Variants in TMEM201 observed in about 807,000 individuals in gnomAD.
TMEM201 encodes the protein RP13-15M17.2.
TMEM201 carries 26 observed loss-of-function variants against 63.4 expected under a neutral mutation model. That is an observed-to-expected ratio of 0.41 (90% CI 0.30 to 0.57). TMEM201 has a LOEUF of 0.57. TMEM201 is among the 20% of genes least tolerant of loss of function. TMEM201 has a pLI of 0.29. For synonymous variants in TMEM201, 417 were observed against 421.6 expected (o/e 0.99, Z 0.14); for missense variants, 794 against 917.7 (o/e 0.87, Z 1.74).
intron 9 of TMEM201, 121 bp from the exon 10 acceptor site, chr1:9,611,632 C>G (rs542655187): frequency 1.5e-6 from 2 of 1,338,846 alleles, no homozygotes; most frequent in South Asian, 2.6e-5. Context: ...GGATGAGTGG[C>G]TTGGGACAGC....
rs924221460 is a variant in TMEM201 at position 9,613,078 on chromosome 1, C to T, written c.1996C>T (p.Arg666Cys). ...FTSVFLYQSL[R>C] Reference sequence around the variant, plus strand: ...CTCGGTGTTTCTGTACCAGAGCCTGCGCTGACCCACCGTTGGAGCCCCTCG... The same window carrying T: ...CTCGGTGTTTCTGTACCAGAGCCTGTGCTGACCCACCGTTGGAGCCCCTCG... Residue 666 changes from arginine to cysteine, a missense_variant, in exon 11 of 11, where the codon CGC (arginine) becomes TGC (cysteine). By Grantham distance (180) the Arg-to-Cys change is radical. Transcript: ENST00000340381. 34 of 1,550,504 alleles carry T rather than the reference C, an allele frequency of 2.2e-5. No homozygotes were observed. The highest frequency in any genetic ancestry group is 1.5e-4 in the East Asian group (6 of 40,930).
rs1401418852 is a variant in TMEM201, at chr1:9,607,851, G to T, written c.1393+62G>T. On this transcript the variant is annotated intron_variant, in intron 7 of 10. Coordinates refer to ENST00000340381, the MANE Select transcript of TMEM201 (RefSeq NM_001130924.3). The surrounding 1 kb of genome is among the most constrained non-coding windows in gnomAD (Gnocchi z 5.4). ...TAGGGGCAGCTGGGACAGAACTGTG[G>T]ATGGGTACATAGTGTAGGGAGGGCC... 22 of 1,458,438 alleles carry T rather than the reference G, an allele frequency of 1.5e-5. No individual in the cohort carries two copies. The highest frequency in any genetic ancestry group is 2.0e-5 in the Non-Finnish European group (21 of 1,071,822). The allele number at this position is 1,458,438 out of a possible 1,614,324, so 90.3% of individuals were successfully genotyped here. A position where few individuals can be genotyped will look rare whatever the true frequency, so the allele number is the denominator to read the frequency against.
At chr1:9,599,594 A>T (rs1319140569) in intron 4 of TMEM201, among the ~76,000 whole-genome samples, 1 of 151,546 alleles carries the variant, frequency 6.6e-6, no homozygotes. Context: ...AGTTCTCACC[A>T]AAAATTCCTA....
chr1:9,603,900 GTGAGAAAACCC>G lies in TMEM201; in HGVS notation c.1160+1629_1160+1639del, dbSNP rs1272308731. 2 of 985,352 alleles carry G rather than the reference GTGAGAAAACCC, an allele frequency of 2.0e-6. No individual in the cohort carries two copies. Among genetic ancestry groups the G allele is most frequent in the Non-Finnish European group, 2.4e-6 (2 of 829,948 alleles). 61.0% of individuals were successfully genotyped at this position (985,352 alleles called of 1,614,324 possible). ...CTTGTTGTTCTGTGTGGAGCGTGAG[GTGAGAAAACCC>G]CTCTGAAAAGATGTGGTCGGGGCCA... On this transcript the variant is annotated intron_variant, in intron 6 of 10. Transcript: ENST00000340381. The surrounding 1 kb of genome is among the most constrained non-coding windows in gnomAD (Gnocchi z 4.5).
intron 10 of TMEM201, 55 bp downstream of exon 10, chr1:9,611,945 A>G: frequency 1.3e-6 from 2 of 1,486,908 alleles, no homozygotes; most frequent in South Asian, 1.4e-5. Context: ...CGAAGCCACC[A>G]TCTCCCCCAG....
In TMEM201 at chr1:9,610,701, C is replaced by G. The variant is rs1456021784; in HGVS notation, c.1661C>G (p.Pro554Arg). Reference protein sequence around the residue: ...PSPPGEAPTTPSSSDEHSPHN... With the variant: ...PSPPGEAPTTRSSSDEHSPHN... ...CCCCCTGGAGAGGCCCCCACCACGC[C>G]CAGCAGCTCCGATGAGCACTCGCCT... Residue 554 changes from proline to arginine, a missense_variant, in exon 9 of 11, where the codon CCC becomes CGC. By Grantham distance (103) the Pro-to-Arg change is moderately radical (BLOSUM62 -2). Coordinates refer to ENST00000340381, the MANE Select transcript of TMEM201 (RefSeq NM_001130924.3). This position sits in a 1 kb window ranked among gnomAD's most constrained non-coding sequence, Gnocchi z 4.9. The G allele has an allele frequency of 3.2e-6, 5 of 1,550,436 alleles. No individual in the cohort carries two copies. The highest frequency in any genetic ancestry group is 4.4e-6 in the Non-Finnish European group (5 of 1,146,918).
chr1:9,593,767 T>G (rs769178504), intron 1 of TMEM201, among the ~76,000 whole-genome samples: 1 of 152,188 alleles, frequency 6.6e-6, no homozygotes, highest in Non-Finnish European at 1.5e-5. Context: ...CTGAGGGGCC[T>G]TCCGTGGGGA....
At position 9,602,151 on chromosome 1, in the gene TMEM201, G is replaced by A. The variant is rs941371667; in HGVS notation, c.1039G>A (p.Ala347Thr). The change falls in exon 6 of 11, where the codon GCC becomes ACC. Residue 347 changes from alanine to threonine, a missense_variant. Ala to Thr is a moderately conservative substitution (Grantham distance 58, BLOSUM62 0). Transcript: ENST00000340381. ...LHLAEQHLQAASPSWLDTLKF... is the reference protein window; with the variant it reads ...LHLAEQHLQATSPSWLDTLKF... Reference sequence around the variant, plus strand: ...CCTGGCTGAGCAGCACCTGCAGGCCGCCTCGCCTAGCTGGCTAGACACGCT... The same window carrying A: ...CCTGGCTGAGCAGCACCTGCAGGCCACCTCGCCTAGCTGGCTAGACACGCT... 1.2e-5 allele frequency: 19 copies of A among 1,613,040 alleles called. No homozygotes were observed. The highest frequency in any genetic ancestry group is 5.5e-5 in the South Asian group (5 of 91,094).
rs1644303432 is a variant in TMEM201 at position 9,610,280 on chromosome 1, C to T, written c.1466-226C>T. 6.6e-6 allele frequency among the ~76,000 whole-genome samples: 1 copy of T among 152,134 alleles called. No individual in the cohort carries two copies. The highest frequency in any genetic ancestry group is 2.4e-5 in the African/African-American group (1 of 41,432). Reference sequence around the variant, plus strand: ...CAGGGCTTTGGATGGAAATCAAGGGCAGAAGGCCATGGCTGAGGCTCCGGG... The same window carrying T: ...CAGGGCTTTGGATGGAAATCAAGGGTAGAAGGCCATGGCTGAGGCTCCGGG... On this transcript the variant is annotated intron_variant, in intron 8 of 10. Coordinates refer to ENST00000340381, the MANE Select transcript of TMEM201 (RefSeq NM_001130924.3). The surrounding 1 kb of genome is among the most constrained non-coding windows in gnomAD (Gnocchi z 4.9).
intron 1 of TMEM201, among the ~76,000 whole-genome samples, chr1:9,595,268 C>T (rs374718761): frequency 1.3e-5 from 2 of 152,190 alleles, no homozygotes; most frequent in South Asian, 2.1e-4. Context: ...GTGTAGCCAG[C>T]GAGGGCCACT....
At chr1:9,609,565 C>T (rs1186560135) in intron 7 of TMEM201, among the ~76,000 whole-genome samples, 6 of 152,160 alleles carry the variant, frequency 3.9e-5, no homozygotes, top group African/African-American at 1.4e-4. Flanking sequence ...TTCCTGACCT[C>T]GTGATCTGAT....
At position 9,602,230 on chromosome 1, in the gene TMEM201, C is replaced by T; in HGVS notation, c.1118C>T (p.Ala373Val). The change falls in exon 6 of 11, where the codon GCC becomes GTC. Residue 373 changes from alanine (A) to valine (V), a missense_variant. By Grantham distance (64) the Ala-to-Val change is moderately conservative. Coordinates refer to ENST00000340381, the MANE Select transcript of TMEM201 (RefSeq NM_001130924.3). ...CTGGTTGGCTTCACGGCGGCTGTGGCCACAAGGAAGGCAACGGGCCCACGG... is the reference window on the plus strand; with the variant it reads ...CTGGTTGGCTTCACGGCGGCTGTGGTCACAAGGAAGGCAACGGGCCCACGG... ...CCLVGFTAAV[A>V]TRKATGPRRF... is the part of the protein sequence containing the mutation. The T allele has an allele frequency of 3.1e-6, 5 of 1,612,512 alleles. No homozygotes were observed. The highest frequency in any genetic ancestry group is 4.2e-6 in the Non-Finnish European group (5 of 1,179,962).
At chr1:9,611,213 T>C (rs77545342) in intron 9 of TMEM201, 1 of 490,266 alleles carries the variant, frequency 2.0e-6, no homozygotes, top group African/African-American at 2.0e-5. Flanking sequence ...TTTTTTTTTT[T>C]TCGAGATGCA....
rs1644316815 is a variant in TMEM201 at position 9,610,977 on chromosome 1, T to C, written c.1765+172T>C. 1 of 1,529,372 alleles carries C rather than the reference T, an allele frequency of 6.5e-7. No individual in the cohort carries two copies. The highest frequency in any genetic ancestry group is 2.0e-5 in the Admixed American group (1 of 50,870). 94.7% of individuals were successfully genotyped at this position (1,529,372 alleles called of 1,614,324 possible). A position where few individuals can be genotyped will look rare whatever the true frequency, so the allele number is the denominator to read the frequency against. On this transcript the variant is annotated intron_variant, in intron 9 of 10. Coordinates refer to ENST00000340381, the MANE Select transcript of TMEM201 (RefSeq NM_001130924.3). This position sits in a 1 kb window ranked among gnomAD's most constrained non-coding sequence, Gnocchi z 4.9. ...TGGTGACTTGAACCCTCTGGGACAT[T>C]GACCTCTAATGGCTGATTTCAGTTT... is the stretch of plus-strand genomic sequence containing the variant.
chr1:9,590,513 C>T (rs6669846), intron 1 of TMEM201, among the ~76,000 whole-genome samples: 4,425 of 152,290 alleles, frequency 0.029, 103 homozygotes, highest in South Asian at 0.049. Flanking sequence ...GTGCCACACA[C>T]TGCAGCTGTC....
chr1:9,595,085 G>T (rs1643992438), intron 1 of TMEM201, among the ~76,000 whole-genome samples: 1 of 152,222 alleles, frequency 6.6e-6, no homozygotes, highest in Non-Finnish European at 1.5e-5. Flanking sequence ...CACCCACATT[G>T]TTCCTGGATT....
At chr1:9,599,272 C>G (rs1479721963) in intron 4 of TMEM201, among the ~76,000 whole-genome samples, 2 of 149,426 alleles carry the variant, frequency 1.3e-5, no homozygotes, top group Non-Finnish European at 3.0e-5. Flanking sequence ...TTTTTTGAGA[C>G]AGTTTCACAC....
Position 9,603,651 on chromosome 1 carries a change from G to A in TMEM201, c.1160+1379G>A, listed in dbSNP as rs991175870. 6.1e-6 allele frequency: 6 copies of A among 985,492 alleles called. No homozygotes were observed. Among genetic ancestry groups the A allele is most frequent in the South Asian group, 4.7e-5 (1 of 21,290 alleles). The allele number at this position is 985,492 out of a possible 1,614,324, so 61.0% of individuals were successfully genotyped here. A position where few individuals can be genotyped will look rare whatever the true frequency, so the allele number is the denominator to read the frequency against. ...GTTACACCCGTCACCTGGGTCTGCC[G>A]GGATGGGTTGGGGGGGCAGGTGCCA... On this transcript the variant is annotated intron_variant, in intron 6 of 10. Coordinates refer to ENST00000340381, the MANE Select transcript of TMEM201 (RefSeq NM_001130924.3). The surrounding 1 kb of genome is among the most constrained non-coding windows in gnomAD (Gnocchi z 4.5).
intron 4 of TMEM201, among the ~76,000 whole-genome samples, chr1:9,599,811 C>T (rs984726161): frequency 6.0e-5 from 9 of 150,736 alleles, no homozygotes; most frequent in Admixed American, 4.6e-4. Flanking sequence ...GGGTTTTCAC[C>T]GTGGTCTCAA....
Sources: gnomAD v4.1 joint callset for allele counts (sites outside exome capture counted in the v4.1 genomes callset) on GRCh38, gnomAD v4.1.1 for gene constraint, Gnocchi (gnomAD v3.1) non-coding constraint, MANE v1.5 for transcripts, NCBI Gene and HGNC (gene_info 2026-07-23, HGNC 2026-07-21) for gene names.